The following ROBO2 variants were observed in gnomAD, a reference collection of about 807,000 sequenced individuals.
ROBO2 encodes the protein roundabout guidance receptor 2.
A neutral mutation model predicts 160.8 loss-of-function variants in ROBO2; 53 were observed. That is an observed-to-expected ratio of 0.33 (90% CI 0.26 to 0.41). ROBO2 has a LOEUF of 0.41. Among genes scored for constraint, ROBO2 ranks in the 10% least tolerant of loss-of-function variants. ROBO2 has a pLI of 1.00. For synonymous variants in ROBO2, 664 were observed against 611.7 expected (o/e 1.09, Z -1.26); for missense variants, 1,577 against 1,722.4 (o/e 0.92, Z 1.49).
At chr3:77,249,386 A>G (rs1438929942) in intron 2 of ROBO2, among the ~76,000 whole-genome samples, 1 of 152,232 alleles carries the variant, frequency 6.6e-6, no homozygotes, top group African/African-American at 2.4e-5. Context: ...ATGAAGCATT[A>G]AAGAAAAATT....
chr3:76,557,239 ATATAT>A (rs2083851664), intron 2 of ROBO2, among the ~76,000 whole-genome samples: 1 of 151,930 alleles, frequency 6.6e-6, no homozygotes, highest in Non-Finnish European at 1.5e-5. Flanking sequence ...AACTTCTGTA[ATATAT>A]TATTTTTATA....
At chr3:76,657,997 G>C (rs956519188) in intron 2 of ROBO2, among the ~76,000 whole-genome samples, 1 of 148,862 alleles carries the variant, frequency 6.7e-6, no homozygotes, top group Non-Finnish European at 1.5e-5. Context: ...AGCCCAGGGC[G>C]TTGAGGCTGT....
chr3:76,954,076 G>T (rs761417816), intron 2 of ROBO2, among the ~76,000 whole-genome samples: 9 of 152,194 alleles, frequency 5.9e-5, no homozygotes, highest in Non-Finnish European at 1.3e-4. Flanking sequence ...ACAAGTCCCA[G>T]ATGATTCGTT....
chr3:77,145,533 T>C (rs1418621082), intron 2 of ROBO2, among the ~76,000 whole-genome samples: 2 of 152,160 alleles, frequency 1.3e-5, no homozygotes, highest in African/African-American at 4.8e-5. Flanking sequence ...GCTAGGTTAA[T>C]ATTGTTTAGG....
chr3:77,141,920 G>T (rs771013406), intron 2 of ROBO2, among the ~76,000 whole-genome samples: 2 of 152,154 alleles, frequency 1.3e-5, no homozygotes, highest in African/African-American at 4.8e-5. Context: ...TTTACTAATT[G>T]CATAAACTGG....
intron 2 of ROBO2, among the ~76,000 whole-genome samples, chr3:75,997,376 G>A (rs7638919): frequency 5.9e-4 from 90 of 152,052 alleles, no homozygotes; most frequent in African/African-American, 2.0e-3. Flanking sequence ...TCTTAAAAAT[G>A]TAATTATAAC....
At chr3:77,130,455 TA>T in intron 2 of ROBO2, among the ~76,000 whole-genome samples, 1 of 149,120 alleles carries the variant, frequency 6.7e-6, no homozygotes, top group African/African-American at 2.5e-5. Context: ...CAAAAAAAAA[TA>T]AAGTGAGAAA....
chr3:76,120,886 T>G (rs1042656611), intron 2 of ROBO2, among the ~76,000 whole-genome samples: 1 of 152,194 alleles, frequency 6.6e-6, no homozygotes, highest in Non-Finnish European at 1.5e-5. Context: ...GAACAATACT[T>G]GCCTGCAATA....
chr3:77,231,247 C>T (rs2087145123), intron 2 of ROBO2, among the ~76,000 whole-genome samples: 2 of 150,944 alleles, frequency 1.3e-5, no homozygotes, highest in South Asian at 2.1e-4. Flanking sequence ...CCTGTAATTC[C>T]AGCTACTCTG....
chr3:76,099,670 A>T (rs1248774992), intron 2 of ROBO2, among the ~76,000 whole-genome samples: 2 of 152,200 alleles, frequency 1.3e-5, no homozygotes, highest in Non-Finnish European at 2.9e-5. Flanking sequence ...AAAAAAGTAC[A>T]TTTTAATTGT....
chr3:77,318,129 C>T (rs1304502705), intron 2 of ROBO2, among the ~76,000 whole-genome samples: 1 of 151,942 alleles, frequency 6.6e-6, no homozygotes, highest in Non-Finnish European at 1.5e-5. Context: ...CTCACTGCAA[C>T]CTCCGCCTCC....
chr3:77,300,347 A>T (rs1345336992), intron 2 of ROBO2, among the ~76,000 whole-genome samples: 1 of 152,128 alleles, frequency 6.6e-6, no homozygotes, highest in African/African-American at 2.4e-5. Flanking sequence ...GAAAATAATC[A>T]ATAGTACCTT....
chr3:76,017,877 C>T (rs780626952), intron 2 of ROBO2, among the ~76,000 whole-genome samples: 3 of 152,004 alleles, frequency 2.0e-5, no homozygotes, highest in Admixed American at 1.3e-4. Flanking sequence ...TCCACTCTTC[C>T]GTTTTTATAG....
intron 2 of ROBO2, among the ~76,000 whole-genome samples, chr3:77,417,755 C>T (rs575195720): frequency 6.6e-6 from 1 of 152,138 alleles, no homozygotes; most frequent in African/African-American, 2.4e-5. Flanking sequence ...TTGTACTCAG[C>T]AATGTTATCA....
At chr3:77,237,661 C>T (rs76933694) in intron 2 of ROBO2, among the ~76,000 whole-genome samples, 2,127 of 152,164 alleles carry the variant, frequency 0.014, 47 homozygotes, top group African/African-American at 0.048. Context: ...TCAGTTACTT[C>T]GTAGTTTTGG....
intron 2 of ROBO2, among the ~76,000 whole-genome samples, chr3:76,442,368 C>T (rs771356873): frequency 3.6e-4 from 55 of 152,144 alleles, no homozygotes; most frequent in Non-Finnish European, 6.6e-4. Context: ...CCAGAGACTT[C>T]TTCAGACGTT....
intron 2 of ROBO2, among the ~76,000 whole-genome samples, chr3:76,840,621 T>G (rs1266670314): frequency 8.0e-6 from 1 of 124,390 alleles, no homozygotes; most frequent in Admixed American, 9.5e-5. Flanking sequence ...AAAAAAAAAA[T>G]TATATATATA....
intron 2 of ROBO2, among the ~76,000 whole-genome samples, chr3:77,440,191 T>C (rs2079766651): frequency 6.6e-6 from 1 of 152,162 alleles, no homozygotes; most frequent in Non-Finnish European, 1.5e-5. Flanking sequence ...TTTTACTTTG[T>C]CTTTACATAT....
chr3:75,990,314 C>T (rs1455379875), intron 2 of ROBO2, among the ~76,000 whole-genome samples: 2 of 152,136 alleles, frequency 1.3e-5, no homozygotes, highest in Non-Finnish European at 2.9e-5. Flanking sequence ...GGTTAGACTT[C>T]ATAGGGGAAA....
Sources: gnomAD v4.1 joint callset for allele counts (sites outside exome capture counted in the v4.1 genomes callset) on GRCh38, gnomAD v4.1.1 for gene constraint, MANE v1.5 for transcripts, NCBI Gene and HGNC (gene_info 2026-07-23, HGNC 2026-07-21) for gene names.